The following PSME3IP1 variants were observed in gnomAD, a reference collection of about 807,000 sequenced individuals.
The protein encoded by PSME3IP1 is PSME3-interacting protein.
Under a neutral mutation model 34.1 loss-of-function variants are expected in PSME3IP1, and 13 were observed. The observed-to-expected ratio is 0.38, with a 90% confidence interval of 0.25 to 0.61. The LOEUF is 0.61. PSME3IP1 is among the 20% of genes least tolerant of loss of function. PSME3IP1 has a pLI of 0.60. For synonymous variants in PSME3IP1, 93 were observed against 114.3 expected, an observed-to-expected ratio of 0.81 and a Z score of 1.19; for missense variants, 237 against 301.4, an observed-to-expected ratio of 0.79 and a Z score of 1.58.
intron 1 of PSME3IP1, among the ~76,000 whole-genome samples, chr16:57,176,107 C>T (rs1411413035): frequency 6.6e-6 from 1 of 152,194 alleles, no homozygotes; most frequent in Non-Finnish European, 1.5e-5. Flanking sequence ...ACTGTTCAGT[C>T]TCTGTGAAAA....
intron 5 of PSME3IP1, among the ~76,000 whole-genome samples, chr16:57,166,101 T>C (rs1466777399): frequency 6.6e-6 from 1 of 152,252 alleles, no homozygotes; most frequent in Non-Finnish European, 1.5e-5. Context: ...CATTTTTACA[T>C]GTAGGCAGTG....
chr16:57,160,147 G>A (rs1415774708), intron 6 of PSME3IP1, among the ~76,000 whole-genome samples: 1 of 151,912 alleles, frequency 6.6e-6, no homozygotes, highest in Non-Finnish European at 1.5e-5. Context: ...AAAATTAGCC[G>A]GGCGCGGTGG....
chr16:57,182,971 G>A (rs1472464415), intron 1 of PSME3IP1, among the ~76,000 whole-genome samples: 1 of 152,058 alleles, frequency 6.6e-6, no homozygotes, highest in Non-Finnish European at 1.5e-5. Context: ...AAGATACAAT[G>A]CTATGTACTA....
At chr16:57,179,620 T>C (rs2073512520) in intron 1 of PSME3IP1, among the ~76,000 whole-genome samples, 2 of 152,236 alleles carry the variant, frequency 1.3e-5, no homozygotes, top group Admixed American at 6.5e-5. Flanking sequence ...TCCTATGGAA[T>C]TGAATTATGT....
chr16:57,172,120 T>C, intron 4 of PSME3IP1, 131 bp downstream of exon 4: 1 of 910,024 alleles, frequency 1.1e-6, no homozygotes, highest in Admixed American at 2.2e-5. Flanking sequence ...ATTACAGGAA[T>C]ATCAGTGTTC....
At chr16:57,159,249 A>G (rs2070939170) in intron 6 of PSME3IP1, among the ~76,000 whole-genome samples, 1 of 152,202 alleles carries the variant, frequency 6.6e-6, no homozygotes, top group Non-Finnish European at 1.5e-5. Flanking sequence ...GGTTTCAAGA[A>G]AGAAAAGAGA....
At position 57,182,551 on chromosome 16, in the gene PSME3IP1, T is replaced by TAAAA. The variant is rs10717048; in HGVS notation, c.-16+3266_-16+3269dup. 4.0e-3 allele frequency among the ~76,000 whole-genome samples: 304 copies of TAAAA among 76,734 alleles called. 6 individuals are homozygous for TAAAA. The highest frequency in any genetic ancestry group is 0.015 in the African/African-American group (280 of 18,670). The allele number at this position is 76,734 out of a possible 152,430, so 50.3% of individuals were successfully genotyped here. ...AACATAAGGAGATACCCATTTCCCTTAAAAAAAAAAAAAAAAAAAAAAAAA... is the reference window on the plus strand; with the variant it reads ...AACATAAGGAGATACCCATTTCCCTTAAAAAAAAAAAAAAAAAAAAAAAAAAAAA... On this transcript the variant is annotated intron_variant, in intron 1 of 6. Coordinates refer to ENST00000309137, the MANE Select transcript of PSME3IP1 (RefSeq NM_024946.4).
chr16:57,179,436 G>A (rs779171002), intron 1 of PSME3IP1, among the ~76,000 whole-genome samples: 5 of 152,184 alleles, frequency 3.3e-5, no homozygotes, highest in Admixed American at 1.3e-4. Context: ...ATTGGAGACC[G>A]TCCCATTTAA....
intron 5 of PSME3IP1, among the ~76,000 whole-genome samples, chr16:57,164,849 T>C (rs2071667658): frequency 6.6e-6 from 1 of 152,040 alleles, no homozygotes; most frequent in African/African-American, 2.4e-5. Flanking sequence ...CTGGCCAACA[T>C]GGTGAAACCC....
chr16:57,179,092 T>C (rs1466812662), intron 1 of PSME3IP1, among the ~76,000 whole-genome samples: 1 of 152,222 alleles, frequency 6.6e-6, no homozygotes, highest in African/African-American at 2.4e-5. Flanking sequence ...GCAGAGGACT[T>C]ACATTAGGAA....
intron 1 of PSME3IP1, chr16:57,174,327 A>G (rs1290944724): frequency 2.0e-6 from 1 of 503,648 alleles, no homozygotes; most frequent in Non-Finnish European, 2.6e-6. Context: ...AGTTTAATTT[A>G]TAGGCCATTG....
intron 6 of PSME3IP1, among the ~76,000 whole-genome samples, chr16:57,163,271 T>C (rs983829365): frequency 2.0e-5 from 3 of 152,282 alleles, no homozygotes; most frequent in South Asian, 4.2e-4. Flanking sequence ...AGACTCTTCT[T>C]TTTAAAAGTA....
chr16:57,160,797 T>C (rs1483877812), intron 6 of PSME3IP1, among the ~76,000 whole-genome samples: 4 of 152,232 alleles, frequency 2.6e-5, no homozygotes, highest in African/African-American at 9.6e-5. Flanking sequence ...ATTAAAATAC[T>C]ACTAACAATG....
At position 57,170,154 on chromosome 16, in the gene PSME3IP1, C is replaced by A. The variant is rs182963240; in HGVS notation, c.348+2097G>T. Among the ~76,000 whole-genome samples, 36 of 150,234 alleles carry A rather than the reference C, an allele frequency of 2.4e-4. 1 individual carries two copies. Among genetic ancestry groups the A allele is most frequent in the Admixed American group, 2.1e-3 (31 of 14,990 alleles). ...CTGGAGTACAGTGGCGTGACCTTGGCGCACTGCAATCTCCACCTTCCAGGT... is the reference window on the plus strand; with the variant it reads ...CTGGAGTACAGTGGCGTGACCTTGGAGCACTGCAATCTCCACCTTCCAGGT... On this transcript the variant is annotated intron_variant, in intron 4 of 6. Coordinates refer to ENST00000309137, the MANE Select transcript of PSME3IP1 (RefSeq NM_024946.4).
chr16:57,166,293 ACT>A, intron 5 of PSME3IP1, among the ~76,000 whole-genome samples: 1 of 152,322 alleles, frequency 6.6e-6, no homozygotes. Flanking sequence ...AGATTCAATC[ACT>A]CTGATGACAT....
intron 4 of PSME3IP1, among the ~76,000 whole-genome samples, chr16:57,171,073 CA>C (rs142907841): frequency 2.0e-5 from 3 of 148,002 alleles, no homozygotes; most frequent in Non-Finnish European, 1.5e-5. Context: ...AACTCCATCT[CA>C]AAAAAAAAAA....
At chr16:57,162,692 C>T (rs1345469199) in intron 6 of PSME3IP1, among the ~76,000 whole-genome samples, 10 of 148,766 alleles carry the variant, frequency 6.7e-5, no homozygotes, top group African/African-American at 1.5e-4. Flanking sequence ...AAATTGTTGA[C>T]GGTCTTTCCT....
intron 1 of PSME3IP1, chr16:57,174,539 ATCC>A: frequency 3.0e-6 from 3 of 985,378 alleles, no homozygotes; most frequent in Non-Finnish European, 3.6e-6. Flanking sequence ...CCCAGCTCTC[ATCC>A]TCCTTTATTT....
chr16:57,154,170 G>A lies in PSME3IP1; in HGVS notation c.*120C>T, dbSNP rs1039003695. 1 of 776,756 alleles carries A rather than the reference G, an allele frequency of 1.3e-6. No individual in the cohort carries two copies. The highest frequency in any genetic ancestry group is 2.1e-6 in the Non-Finnish European group (1 of 482,468). The allele number at this position is 776,756 out of a possible 1,614,324, so 48.1% of individuals were successfully genotyped here. A position where few individuals can be genotyped will look rare whatever the true frequency, so the allele number is the denominator to read the frequency against. On this transcript the variant is annotated 3_prime_UTR_variant, in exon 7 of 7. Transcript: ENST00000309137. This position sits in a 1 kb window ranked among gnomAD's most constrained non-coding sequence, Gnocchi z 4.0. ...TTTTTAGATTGGATTGGTTAAAAAT[G>A]TCATGTTGTACACAGGATGCAGGCA...
Sources: gnomAD v4.1 joint callset for allele counts (sites outside exome capture counted in the v4.1 genomes callset) on GRCh38, gnomAD v4.1.1 for gene constraint, Gnocchi (gnomAD v3.1) non-coding constraint, MANE v1.5 for transcripts, NCBI Gene and HGNC (gene_info 2026-07-23, HGNC 2026-07-21) for gene names.